Variants in NRXN3 observed in about 807,000 individuals in gnomAD.
NRXN3 encodes neurexin 3.
NRXN3 carries 32 observed loss-of-function variants against 137.6 expected under a neutral mutation model. That is an observed-to-expected ratio of 0.23 (90% CI 0.18 to 0.31). NRXN3 has a LOEUF of 0.31. Ranked by LOEUF, NRXN3 falls within the 10% of genes least tolerant of loss-of-function variation. The pLI, the probability that NRXN3 is intolerant of heterozygous loss-of-function variation, is 1.00. For synonymous variants in NRXN3, 798 were observed against 784.5 expected (o/e 1.02, Z -0.29); for missense variants, 1,574 against 2,062.5 (o/e 0.76, Z 4.59).
intron 8 of NRXN3, among the ~76,000 whole-genome samples, chr14:78,715,693 C>T (rs755912314): frequency 1.2e-4 from 18 of 152,266 alleles, no homozygotes; most frequent in Middle Eastern, 3.4e-3. Context: ...AGAAATCTGG[C>T]CCTCATGCAG....
At chr14:78,666,478 A>T (rs1037226430) in intron 6 of NRXN3, among the ~76,000 whole-genome samples, 8 of 152,190 alleles carry the variant, frequency 5.3e-5, no homozygotes, top group Admixed American at 3.3e-4. Context: ...GCTAAATGTG[A>T]GAAGAATGGG....
intron 10 of NRXN3, among the ~76,000 whole-genome samples, chr14:78,939,238 GC>G (rs1229578166): frequency 3.3e-5 from 5 of 152,156 alleles, no homozygotes; most frequent in Admixed American, 3.3e-4. Context: ...CAAGTGGGCT[GC>G]CCCAGAGGTC....
chr14:79,385,114 G>A lies in NRXN3; in HGVS notation c.3263-82107G>A, dbSNP rs537537546. Among the ~76,000 whole-genome samples the A allele has an allele frequency of 6.0e-4, 91 of 151,316 alleles. 1 individual carries two copies. The highest frequency in any genetic ancestry group is 5.7e-3 in the Admixed American group (86 of 15,156). Reference sequence around the variant, plus strand: ...TAGGGTACATGTGCACATTGTGCAGGTTAGTTACATATGTATACATGTGCC... The same window carrying A: ...TAGGGTACATGTGCACATTGTGCAGATTAGTTACATATGTATACATGTGCC... On this transcript the variant is annotated intron_variant, in intron 15 of 20. Transcript: ENST00000335750.
chr14:78,189,678 C>A (rs900802100), intron 1 of NRXN3, among the ~76,000 whole-genome samples: 2 of 152,164 alleles, frequency 1.3e-5, no homozygotes, highest in African/African-American at 4.8e-5. Flanking sequence ...CCTCCACTTC[C>A]GGGTTTGAGC....
Position 79,411,245 on chromosome 14 carries a change from T to C in NRXN3, c.3263-55976T>C, listed in dbSNP as rs572639045. Among the ~76,000 whole-genome samples the C allele has an allele frequency of 3.3e-5, 5 of 152,142 alleles. No homozygotes were observed. In the East Asian group the frequency reaches 9.7e-4, roughly 29 times the overall value. ...ATGGAGGGGTATTACCAAGATCTAG[T>C]TTTCTAGGTTTTCTTGAGAAATTAG... On this transcript the variant is annotated intron_variant, in intron 15 of 20. Transcript: ENST00000335750.
intron 20 of NRXN3, among the ~76,000 whole-genome samples, chr14:79,822,949 C>A (rs2099277256): frequency 6.6e-6 from 1 of 152,092 alleles, no homozygotes; most frequent in African/African-American, 2.4e-5. Flanking sequence ...ATAATTCATG[C>A]CTATAAAAAA....
chr14:78,323,563 A>G (rs760338888), intron 4 of NRXN3, among the ~76,000 whole-genome samples: 4 of 151,988 alleles, frequency 2.6e-5, no homozygotes, highest in Non-Finnish European at 5.9e-5. Context: ...CAGCATCATC[A>G]TTTATCAGCT....
At chr14:78,918,058 G>A (rs1238777859) in intron 10 of NRXN3, among the ~76,000 whole-genome samples, 1 of 150,256 alleles carries the variant, frequency 6.7e-6, no homozygotes, top group Non-Finnish European at 1.5e-5. Context: ...GGCCAAGGCA[G>A]GCAGATCACC....
At chr14:79,297,649 C>T (rs2084410298) in intron 15 of NRXN3, among the ~76,000 whole-genome samples, 1 of 152,062 alleles carries the variant, frequency 6.6e-6, no homozygotes, top group South Asian at 2.1e-4. Context: ...GACTCATTAG[C>T]AAACTTTGAA....
chr14:79,742,823 T>C (rs1256439375), intron 19 of NRXN3, among the ~76,000 whole-genome samples: 4 of 152,208 alleles, frequency 2.6e-5, no homozygotes, highest in Admixed American at 6.5e-5. Flanking sequence ...TAAATACTTC[T>C]TCATTCTAGG....
intron 16 of NRXN3, among the ~76,000 whole-genome samples, chr14:79,536,024 A>G (rs1407388190): frequency 6.6e-6 from 1 of 152,208 alleles, no homozygotes; most frequent in Non-Finnish European, 1.5e-5. Context: ...GTGCTCTCCA[A>G]ATGAGCAGAA....
chr14:79,380,004 G>A (rs1430915384), intron 15 of NRXN3, among the ~76,000 whole-genome samples: 1 of 151,910 alleles, frequency 6.6e-6, no homozygotes, highest in Non-Finnish European at 1.5e-5. Flanking sequence ...ATTTCTGGAT[G>A]TGCTCTGAAG....
At chr14:79,023,318 A>G (rs554437500) in intron 15 of NRXN3, among the ~76,000 whole-genome samples, 2 of 152,208 alleles carry the variant, frequency 1.3e-5, no homozygotes, top group South Asian at 4.2e-4. Flanking sequence ...GATGAGCACA[A>G]CAGACCAAGC....
At chr14:79,846,331 A>C (rs1379462825) in intron 20 of NRXN3, among the ~76,000 whole-genome samples, 3 of 152,216 alleles carry the variant, frequency 2.0e-5, no homozygotes, top group Non-Finnish European at 4.4e-5. Flanking sequence ...AAAATGTCCC[A>C]TGTAAAAAAT....
chr14:79,170,899 TATCTG>T (rs1325076115), intron 15 of NRXN3, among the ~76,000 whole-genome samples: 16 of 152,238 alleles, frequency 1.1e-4, no homozygotes, highest in African/African-American at 3.6e-4. Flanking sequence ...CTGGATCAGT[TATCTG>T]ATCCTGTCAC....
chr14:79,853,353 T>A (rs1301724126), intron 20 of NRXN3, among the ~76,000 whole-genome samples: 2 of 152,206 alleles, frequency 1.3e-5, no homozygotes, highest in African/African-American at 4.8e-5. Context: ...TAGGAAAAAG[T>A]TTAACTGTTT....
chr14:78,847,823 C>G (rs2099031717), intron 10 of NRXN3, among the ~76,000 whole-genome samples: 1 of 152,038 alleles, frequency 6.6e-6, no homozygotes, highest in South Asian at 2.1e-4. Context: ...TCAGCTCTGT[C>G]AGATTTCTAT....
At chr14:78,245,899 T>G (rs1284327596) in intron 2 of NRXN3, among the ~76,000 whole-genome samples, 1 of 152,192 alleles carries the variant, frequency 6.6e-6, no homozygotes, top group Non-Finnish European at 1.5e-5. Context: ...GCAACCCCAG[T>G]CTACAAACCA....
At chr14:79,497,293 C>A (rs568203305) in intron 16 of NRXN3, among the ~76,000 whole-genome samples, 1 of 152,252 alleles carries the variant, frequency 6.6e-6, no homozygotes. Context: ...CCCCATGAAC[C>A]ATTCTGGCCT....
Sources: allele counts gnomAD v4.1 joint callset (sites outside exome capture counted in the v4.1 genomes callset), GRCh38; gene constraint gnomAD v4.1.1; transcripts MANE v1.5; gene names NCBI Gene and HGNC (gene_info 2026-07-23, HGNC 2026-07-21).